Variants in CREM observed in about 807,000 individuals in gnomAD.
The protein encoded by CREM is cAMP-responsive element modulator.
In CREM, 13 loss-of-function variants were observed where a neutral mutation model predicts 37.3. The ratio of observed to expected loss-of-function variants is 0.35; its 90% confidence interval spans 0.23 to 0.55. CREM has a LOEUF of 0.55. Among genes scored for constraint, CREM ranks in the 20% least tolerant of loss-of-function variants. The probability of loss-of-function intolerance (pLI) is 0.88; values close to 1 mark genes in which losing one functional copy is unlikely to be tolerated. For synonymous variants in CREM, 124 were observed against 120.2 expected (o/e 1.03, Z -0.21); for missense variants, 296 against 362.3 (o/e 0.82, Z 1.49).
rs779555875 is a variant in CREM, at chr10:35,211,243, G to A, written c.756-11G>A. On this transcript the variant is annotated splice_polypyrimidine_tract_variant and intron_variant, in intron 7 of 7. Coordinates refer to ENST00000685392, the MANE Select transcript of CREM (RefSeq NM_183011.2). ...CTGTTCCTGTAGTCATTTGCCTTGT[G>A]TTGCTTCCAGGGAAGCTGCCCGGGA... 1.9e-6 allele frequency: 3 copies of A among 1,611,202 alleles called. No homozygotes were observed. The Admixed American group carries it at 5.0e-5, about 27-fold the overall frequency.
intron 3 of CREM, among the ~76,000 whole-genome samples, chr10:35,150,232 T>C (rs913719000): frequency 1.2e-4 from 19 of 152,220 alleles, no homozygotes; most frequent in South Asian, 8.3e-4. Flanking sequence ...TCTCACTATA[T>C]TGCCCAGGCT....
intron 1 of CREM, among the ~76,000 whole-genome samples, chr10:35,136,178 A>G (rs1454678573): frequency 6.6e-6 from 1 of 150,668 alleles, no homozygotes; most frequent in Non-Finnish European, 1.5e-5. Flanking sequence ...TTTGAACCAC[A>G]AGAATGTATT....
intron 2 of CREM, among the ~76,000 whole-genome samples, chr10:35,144,904 A>G (rs1480688742): frequency 6.6e-6 from 1 of 151,946 alleles, no homozygotes; most frequent in Admixed American, 6.6e-5. Context: ...CCATGCCTGT[A>G]ATCCTAGCAC....
At position 35,211,414 on chromosome 10, in the gene CREM, A is replaced by G. The variant is rs2095663015; in HGVS notation, c.*16A>G. 1.2e-6 allele frequency: 2 copies of G among 1,609,850 alleles called. No homozygotes were observed. Among genetic ancestry groups the G allele is most frequent in the Middle Eastern group, 3.3e-4 (2 of 6,038 alleles). On this transcript the variant is annotated 3_prime_UTR_variant, in exon 8 of 8. Transcript: ENST00000685392. ...AGTAGAGTAACTGTCTTTGACTTGG[A>G]CCTTGTTTACTCTAATCAAGGCAGG...
intron 3 of CREM, chr10:35,153,947 C>T (rs1193627466): frequency 5.1e-6 from 2 of 393,456 alleles, no homozygotes; most frequent in Admixed American, 4.4e-5. Flanking sequence ...AGAGATTATA[C>T]TCTCCTAATC....
chr10:35,162,003 G>T (rs895193158), intron 3 of CREM, among the ~76,000 whole-genome samples: 8 of 152,178 alleles, frequency 5.3e-5, no homozygotes, highest in Non-Finnish European at 1.2e-4. Flanking sequence ...ATGCATAATG[G>T]CCAAGATACG....
intron 3 of CREM, among the ~76,000 whole-genome samples, chr10:35,178,659 T>C (rs2094208206): frequency 6.6e-6 from 1 of 152,222 alleles, no homozygotes; most frequent in Non-Finnish European, 1.5e-5. Flanking sequence ...TAGTATAGAG[T>C]ACCCGTAACA....
chr10:35,199,689 T>C (rs1381648542), intron 6 of CREM, among the ~76,000 whole-genome samples: 1 of 152,074 alleles, frequency 6.6e-6, no homozygotes, highest in Non-Finnish European at 1.5e-5. Flanking sequence ...CTTCCAAGTT[T>C]ACAAAGCTAG....
Position 35,177,999 on chromosome 10 carries a change from G to A in CREM, c.169-890G>A, listed in dbSNP as rs115826377. On this transcript the variant is annotated intron_variant, in intron 3 of 7. Transcript: ENST00000685392. ...TATGTGGAGGTGAATATACACCTCC[G>A]TGTACTTCGGGAAGTATATATTCTT... 9.7e-3 allele frequency among the ~76,000 whole-genome samples: 1,483 copies of A among 152,236 alleles called. 33 individuals are homozygous for A. The highest frequency in any genetic ancestry group is 0.034 in the African/African-American group (1,421 of 41,520).
intron 6 of CREM, among the ~76,000 whole-genome samples, chr10:35,189,798 C>T (rs1374507280): frequency 6.6e-6 from 1 of 152,146 alleles, no homozygotes; most frequent in Non-Finnish European, 1.5e-5. Flanking sequence ...TTACAGGCAG[C>T]ACTAACGTTA....
At chr10:35,179,099 A>G (rs1157912126) in intron 4 of CREM, 35 bp from the exon 5 acceptor site, 4 of 1,576,874 alleles carry the variant, frequency 2.5e-6, no homozygotes, top group East Asian at 2.2e-5. Context: ...TTATTCATGT[A>G]TCTTAGTGAC....
intron 5 of CREM, among the ~76,000 whole-genome samples, chr10:35,182,287 C>T (rs1169948724): frequency 1.3e-5 from 2 of 152,018 alleles, no homozygotes; most frequent in African/African-American, 4.8e-5. Context: ...GAAATGGAAA[C>T]AATTGCCAGT....
chr10:35,130,096 T>C (rs886407206), intron 1 of CREM, among the ~76,000 whole-genome samples: 1 of 149,434 alleles, frequency 6.7e-6, no homozygotes, highest in African/African-American at 2.5e-5. Context: ...CTTGGGAGGC[T>C]GAGACTGGAG....
chr10:35,177,344 TAATTATAA>T (rs1462253808), intron 3 of CREM, among the ~76,000 whole-genome samples: 2 of 152,248 alleles, frequency 1.3e-5, no homozygotes, highest in Non-Finnish European at 2.9e-5. Flanking sequence ...TTTCTGACAC[TAATTATAA>T]AACAAGAAAG....
At chr10:35,173,022 G>C (rs188633150) in intron 3 of CREM, among the ~76,000 whole-genome samples, 159 of 152,272 alleles carry the variant, frequency 1.0e-3, no homozygotes, top group African/African-American at 3.8e-3. Context: ...GATCAAACTG[G>C]TTATACTTTA....
At position 35,148,433 on chromosome 10, in the gene CREM, G is replaced by A; in HGVS notation, c.110G>A (p.Ser37Asn). The part of the protein sequence containing the change: ...DGSITASLTE[S>N]KSAHVQTQTG... The stretch of plus-strand genomic sequence containing the variant: ...AGTATAACAGCTTCTTTGACAGAGA[G>A]CAAGTCTGCTCATGTGCAGACTCAG... Residue 37 changes from serine (S) to asparagine (N), a missense_variant, in exon 3 of 8, where the codon AGC (serine) becomes AAC (asparagine). By Grantham distance (46) the Ser-to-Asn change is conservative. Transcript: ENST00000685392. 1 of 1,613,776 alleles carries A rather than the reference G, an allele frequency of 6.2e-7. No individual in the cohort carries two copies. Among genetic ancestry groups the A allele is most frequent in the Non-Finnish European group, 8.5e-7 (1 of 1,179,824 alleles).
At chr10:35,209,527 C>T (rs2095617845) in intron 7 of CREM, 2 of 167,570 alleles carry the variant, frequency 1.2e-5, no homozygotes, top group South Asian at 3.9e-4. Flanking sequence ...TCTGTGCATG[C>T]ACACACACAC....
At chr10:35,190,732 G>A (rs2094875377) in intron 6 of CREM, among the ~76,000 whole-genome samples, 1 of 152,006 alleles carries the variant, frequency 6.6e-6, no homozygotes, top group African/African-American at 2.4e-5. Flanking sequence ...TGGCACGATG[G>A]CTCACTGCAA....
chr10:35,132,116 G>T (rs891704022), intron 1 of CREM, among the ~76,000 whole-genome samples: 1 of 150,712 alleles, frequency 6.6e-6, no homozygotes, highest in Non-Finnish European at 1.5e-5. Context: ...CAGGAGAATC[G>T]CTTGAACCCG....
Sources: allele counts gnomAD v4.1 joint callset (sites outside exome capture counted in the v4.1 genomes callset), GRCh38; gene constraint gnomAD v4.1.1; transcripts MANE v1.5; gene names NCBI Gene and HGNC (gene_info 2026-07-23, HGNC 2026-07-21).